The following LIPI variants were observed in gnomAD, a reference collection of about 807,000 sequenced individuals.
LIPI encodes the protein lipase member I.
LIPI carries 59 observed loss-of-function variants against 50.6 expected under a neutral mutation model. The observed-to-expected ratio is 1.16, with a 90% CI of 0.94 to 1.45. The LOEUF (loss-of-function observed/expected upper bound fraction) is 1.45, where lower values mean the gene tolerates loss of function less well. Among genes scored for constraint, LIPI ranks in the 40% most tolerant of loss-of-function variants. The pLI is 0.00. For synonymous variants in LIPI, 203 were observed against 178.2 expected (o/e 1.14, Z -1.11); for missense variants, 586 against 536.3 (o/e 1.09, Z -0.92).
intron 3 of LIPI, among the ~76,000 whole-genome samples, chr21:14,183,803 G>A (rs982360468): frequency 5.3e-5 from 8 of 152,052 alleles, no homozygotes; most frequent in East Asian, 1.9e-4. Flanking sequence ...TTAGAATGGC[G>A]ATCATTAAAA....
intron 9 of LIPI, among the ~76,000 whole-genome samples, chr21:14,116,940 C>G (rs1302811302): frequency 6.6e-6 from 1 of 152,170 alleles, no homozygotes; most frequent in Non-Finnish European, 1.5e-5. Flanking sequence ...TCTAATTTAT[C>G]CATCTCTGGC....
chr21:14,183,817 C>G (rs923850150), intron 3 of LIPI, among the ~76,000 whole-genome samples: 1 of 152,126 alleles, frequency 6.6e-6, no homozygotes, highest in African/African-American at 2.4e-5. Context: ...ATTAAAAAGT[C>G]AGGAAACAAT....
At chr21:14,195,278 A>G (rs146699060) in intron 1 of LIPI, among the ~76,000 whole-genome samples, 1 of 152,288 alleles carries the variant, frequency 6.6e-6, no homozygotes, top group African/African-American at 2.4e-5. Flanking sequence ...TCCTTTGCAT[A>G]CATGGGATAG....
At position 14,210,905 on chromosome 21, in the gene LIPI, C is replaced by A; in HGVS notation, c.-60G>T. The stretch of plus-strand genomic sequence containing the variant: ...TCACCAAAAAGGAAATTCCGTAACT[C>A]ATTGAGGTTTCTCTTTGGTAGGATC... On this transcript the variant is annotated 5_prime_UTR_variant, in exon 1 of 10. The change abolishes an upstream ATG in the 5' untranslated region. Transcript: ENST00000681601. 8.7e-7 allele frequency: 1 copy of A among 1,154,930 alleles called. No individual in the cohort carries two copies. The highest frequency in any genetic ancestry group is 1.1e-6 in the Non-Finnish European group (1 of 927,438). 71.5% of individuals were successfully genotyped at this position (1,154,930 alleles called of 1,614,324 possible). A position where few individuals can be genotyped will look rare whatever the true frequency, so the allele number is the denominator to read the frequency against.
At chr21:14,111,177 C>T (rs950844088) in intron 9 of LIPI, among the ~76,000 whole-genome samples, 27 of 151,790 alleles carry the variant, frequency 1.8e-4, no homozygotes, top group African/African-American at 6.0e-4. Flanking sequence ...TTTTTCCTAA[C>T]AACTTTTCTA....
intron 9 of LIPI, among the ~76,000 whole-genome samples, chr21:14,139,987 T>C (rs753632142): frequency 2.0e-5 from 3 of 151,940 alleles, no homozygotes; most frequent in African/African-American, 7.3e-5. Flanking sequence ...TCATGTGGAG[T>C]TTGTAAGCTA....
At chr21:14,170,444 A>G (rs906847719) in intron 4 of LIPI, among the ~76,000 whole-genome samples, 1 of 152,194 alleles carries the variant, frequency 6.6e-6, no homozygotes, top group African/African-American at 2.4e-5. Context: ...TCCTTGATGA[A>G]CATTGATGCA....
intron 8 of LIPI, among the ~76,000 whole-genome samples, chr21:14,148,176 A>C (rs1242957247): frequency 6.6e-6 from 1 of 152,198 alleles, no homozygotes; most frequent in African/African-American, 2.4e-5. Flanking sequence ...ATGTCTGCAC[A>C]TAGGGGCATG....
chr21:14,134,203 C>G (rs2017405759), intron 9 of LIPI, among the ~76,000 whole-genome samples: 1 of 151,984 alleles, frequency 6.6e-6, no homozygotes, highest in South Asian at 2.1e-4. Flanking sequence ...TATACTTCAG[C>G]CTGGATGATA....
At chr21:14,151,801 C>A (rs1781263208) in intron 8 of LIPI, among the ~76,000 whole-genome samples, 1 of 152,016 alleles carries the variant, frequency 6.6e-6, no homozygotes, top group Non-Finnish European at 1.5e-5. Context: ...TGTACACACA[C>A]TTGCACATAC....
intron 4 of LIPI, among the ~76,000 whole-genome samples, chr21:14,170,520 T>A (rs2123188266): frequency 6.6e-6 from 1 of 152,284 alleles, no homozygotes; most frequent in African/African-American, 2.4e-5. Context: ...TCCACCATGA[T>A]CAAGTGGGCT....
At chr21:14,193,527 A>G (rs1322501812) in intron 1 of LIPI, among the ~76,000 whole-genome samples, 2 of 152,200 alleles carry the variant, frequency 1.3e-5, no homozygotes, top group Admixed American at 1.3e-4. Flanking sequence ...AAAGACATAT[A>G]GGCTGAAACT....
At chr21:14,134,965 A>C (rs1016870022) in intron 9 of LIPI, among the ~76,000 whole-genome samples, 1 of 152,174 alleles carries the variant, frequency 6.6e-6, no homozygotes, top group African/African-American at 2.4e-5. Context: ...AAAAGCTTCT[A>C]CACAAAAAAG....
intron 4 of LIPI, among the ~76,000 whole-genome samples, chr21:14,170,415 A>G (rs570711416): frequency 2.0e-5 from 3 of 152,314 alleles, no homozygotes; most frequent in African/African-American, 7.2e-5. Flanking sequence ...CAACAAAAAA[A>G]GAGAATTTTA....
chr21:14,183,595 C>G (rs543086666), intron 3 of LIPI, among the ~76,000 whole-genome samples: 2 of 152,214 alleles, frequency 1.3e-5, no homozygotes, highest in South Asian at 4.2e-4. Flanking sequence ...GGGCTAATAT[C>G]CAAAATCTAC....
At chr21:14,174,523 A>T (rs971052314) in intron 4 of LIPI, among the ~76,000 whole-genome samples, 4 of 150,056 alleles carry the variant, frequency 2.7e-5, no homozygotes, top group African/African-American at 9.7e-5. Context: ...ATTTTTTTTT[A>T]AATAAAATCA....
intron 2 of LIPI, 147 bp from the exon 3 acceptor site, chr21:14,186,216 AG>A: frequency 1.6e-6 from 1 of 621,464 alleles, no homozygotes. Flanking sequence ...TATAATTTCA[AG>A]ATGACTATAT....
intron 9 of LIPI, among the ~76,000 whole-genome samples, chr21:14,128,049 C>T (rs760128709): frequency 7.2e-5 from 11 of 151,950 alleles, no homozygotes; most frequent in Non-Finnish European, 1.2e-4. Context: ...TAACATAGAA[C>T]CAATAACGTT....
At chr21:14,178,681 G>A (rs1388548911) in intron 4 of LIPI, among the ~76,000 whole-genome samples, 5 of 152,114 alleles carry the variant, frequency 3.3e-5, no homozygotes, top group African/African-American at 9.7e-5. Flanking sequence ...TTTATAGCCA[G>A]TGTATAATAA....
Sources: allele counts gnomAD v4.1 joint callset (sites outside exome capture counted in the v4.1 genomes callset), GRCh38; gene constraint gnomAD v4.1.1; transcripts MANE v1.5; gene names NCBI Gene and HGNC (gene_info 2026-07-23, HGNC 2026-07-21).